ZMAT3: variants seen among roughly 807,000 people sequenced by gnomAD.
The protein encoded by ZMAT3 is zinc finger matrin-type protein 3.
ZMAT3 carries 17 observed loss-of-function variants against 32.3 expected under a neutral mutation model. The observed-to-expected ratio is 0.53, with a 90% confidence interval of 0.36 to 0.79. The LOEUF is 0.79. Ranked by LOEUF, ZMAT3 falls within the 30% of genes least tolerant of loss-of-function variation. The pLI is 0.00. For synonymous variants in ZMAT3, 120 were observed against 133.1 expected (o/e 0.90, Z 0.68); for missense variants, 329 against 359.7 (o/e 0.91, Z 0.69).
intron 2 of ZMAT3, among the ~76,000 whole-genome samples, chr3:179,057,107 A>G (rs978595125): frequency 3.3e-5 from 5 of 152,166 alleles, no homozygotes; most frequent in African/African-American, 1.2e-4. Context: ...GAGGCCCAAC[A>G]AGGACTCCAA....
At chr3:179,059,739 T>C in intron 2 of ZMAT3, among the ~76,000 whole-genome samples, 1 of 152,094 alleles carries the variant, frequency 6.6e-6, no homozygotes, top group African/African-American at 2.4e-5. Context: ...GCACAACCCC[T>C]ACTATGCCCT....
At chr3:179,034,719 A>G (rs1337053457) in intron 2 of ZMAT3, among the ~76,000 whole-genome samples, 1 of 152,174 alleles carries the variant, frequency 6.6e-6, no homozygotes, top group African/African-American at 2.4e-5. Flanking sequence ...CATCACCACC[A>G]TCACCACCAC....
At chr3:179,062,126 T>C (rs2108584878) in intron 2 of ZMAT3, among the ~76,000 whole-genome samples, 1 of 152,300 alleles carries the variant, frequency 6.6e-6, no homozygotes, top group South Asian at 2.1e-4. Flanking sequence ...GTTGTTACCA[T>C]TGGCTAATGC....
chr3:179,052,496 T>C (rs137856126), intron 2 of ZMAT3, among the ~76,000 whole-genome samples: 4 of 152,276 alleles, frequency 2.6e-5, no homozygotes, highest in Non-Finnish European at 4.4e-5. Context: ...CAAAAAATAA[T>C]AGATGTTGGC....
chr3:179,038,423 G>T (rs1719724614), intron 2 of ZMAT3, among the ~76,000 whole-genome samples: 1 of 152,034 alleles, frequency 6.6e-6, no homozygotes, highest in African/African-American at 2.4e-5. Flanking sequence ...TCTAAAAAAA[G>T]AAAAATGAGG....
chr3:179,019,592 A>C lies in ZMAT3; in HGVS notation c.*5425T>G, dbSNP rs898882187. On this transcript the variant is annotated 3_prime_UTR_variant, in exon 6 of 6. Coordinates refer to ENST00000311417, the MANE Select transcript of ZMAT3 (RefSeq NM_022470.4). Reference sequence around the variant, plus strand: ...TATATGTCTGAAAATTTTCTTGAGAAAATGTTGAGGAACATGTTAACATTT... The same window carrying C: ...TATATGTCTGAAAATTTTCTTGAGACAATGTTGAGGAACATGTTAACATTT... 7 of 152,186 alleles carry C rather than the reference A, an allele frequency of 4.6e-5. No homozygotes were observed. The highest frequency in any genetic ancestry group is 1.7e-4 in the African/African-American group (7 of 41,454). The allele number at this position is 152,186 out of a possible 1,614,324, so 9.4% of individuals were successfully genotyped here.
At position 179,062,990 on chromosome 3, in the gene ZMAT3, T is replaced by G. The variant is rs549333071; in HGVS notation, c.270+4493A>C. On this transcript the variant is annotated intron_variant, in intron 2 of 5. Transcript: ENST00000311417. ...AACCAGCATTTATTAAGATAACATA[T>G]GCAAGTCTCACAATCCTGCAGAGGA... Among the ~76,000 whole-genome samples, 5 of 152,340 alleles carry G rather than the reference T, an allele frequency of 3.3e-5. No individual in the cohort carries two copies. The South Asian group carries it at 6.2e-4, about 19-fold the overall frequency.
rs948210843 is a variant in ZMAT3 at position 179,019,984 on chromosome 3, G to C, written c.*5033C>G. On this transcript the variant is annotated 3_prime_UTR_variant, in exon 6 of 6. Transcript: ENST00000311417. ...AATGATCTCTGACTTCTGCCAGCTTGGGAAAACTGGATTCATTTTCAGAAT... is the reference window on the plus strand; with the variant it reads ...AATGATCTCTGACTTCTGCCAGCTTCGGAAAACTGGATTCATTTTCAGAAT... 4 of 152,044 alleles carry C rather than the reference G, an allele frequency of 2.6e-5. No individual in the cohort carries two copies. Among genetic ancestry groups the C allele is most frequent in the African/African-American group, 9.7e-5 (4 of 41,404 alleles). The allele number at this position is 152,044 out of a possible 1,614,324, so 9.4% of individuals were successfully genotyped here. A position where few individuals can be genotyped will look rare whatever the true frequency, so the allele number is the denominator to read the frequency against.
Position 179,046,595 on chromosome 3 carries a change from T to C in ZMAT3, c.271-15596A>G, listed in dbSNP as rs1449167321. Among the ~76,000 whole-genome samples the C allele has an allele frequency of 6.6e-6, 1 of 152,156 alleles. No individual in the cohort carries two copies. The highest frequency in any genetic ancestry group is 1.5e-5 in the Non-Finnish European group (1 of 68,026). On this transcript the variant is annotated intron_variant, in intron 2 of 5. Transcript: ENST00000311417. The surrounding 1 kb of genome is among the most constrained non-coding windows in gnomAD (Gnocchi z 4.3). ...CCTGCTTTCTCAGCTGGGAGGCTTG[T>C]GGTCTGGGGCAAGTTCTCAGCCCTG... is the stretch of plus-strand genomic sequence containing the variant.
rs1718704015 is a variant in ZMAT3 at position 179,023,886 on chromosome 3, A to C, written c.*1131T>G. ...CAGGCACCCACCACCACGCCCGGCT[A>C]ATGTTTTGTATTTTTAGTAGAGATG... On this transcript the variant is annotated 3_prime_UTR_variant, in exon 6 of 6. Transcript: ENST00000311417. 6.8e-6 allele frequency: 1 copy of C among 147,810 alleles called. No individual in the cohort carries two copies. The allele number at this position is 147,810 out of a possible 1,614,324, so 9.2% of individuals were successfully genotyped here. A position where few individuals can be genotyped will look rare whatever the true frequency, so the allele number is the denominator to read the frequency against.
At chr3:179,044,685 G>A (rs1576856454) in intron 2 of ZMAT3, among the ~76,000 whole-genome samples, 1 of 152,050 alleles carries the variant, frequency 6.6e-6, no homozygotes, top group Non-Finnish European at 1.5e-5. Context: ...ATACACCATG[G>A]AATACTATGC....
intron 2 of ZMAT3, among the ~76,000 whole-genome samples, chr3:179,032,815 C>A (rs1451638344): frequency 1.3e-5 from 2 of 151,922 alleles, no homozygotes; most frequent in Non-Finnish European, 2.9e-5. Flanking sequence ...GCAGCCACCC[C>A]ATCTGGGAAG....
intron 1 of ZMAT3, among the ~76,000 whole-genome samples, chr3:179,071,080 T>TA (rs201231832): frequency 0.014 from 2,103 of 151,744 alleles, 21 homozygotes; most frequent in Admixed American, 0.034. Context: ...GGAGAAAAGT[T>TA]AAAAAAAATA....
chr3:179,069,329 T>C (rs1323609215), intron 1 of ZMAT3, among the ~76,000 whole-genome samples: 1 of 152,120 alleles, frequency 6.6e-6, no homozygotes, highest in Non-Finnish European at 1.5e-5. Context: ...ATCCATAATG[T>C]CTCCTGCCTC....
At chr3:179,035,807 T>C (rs1377904347) in intron 2 of ZMAT3, among the ~76,000 whole-genome samples, 2 of 152,246 alleles carry the variant, frequency 1.3e-5, no homozygotes, top group Non-Finnish European at 2.9e-5. Flanking sequence ...AGAAGGAATT[T>C]CTTACTCCTG....
intron 2 of ZMAT3, among the ~76,000 whole-genome samples, chr3:179,055,618 G>C (rs574479268): frequency 1.9e-4 from 29 of 152,262 alleles, no homozygotes; most frequent in African/African-American, 7.0e-4. Context: ...GAGAGGAGGA[G>C]AATTCGGCCC....
chr3:179,027,467 A>G lies in ZMAT3; in HGVS notation c.614T>C (p.Met205Thr). The G allele has an allele frequency of 1.2e-6, 2 of 1,614,226 alleles. No individual in the cohort carries two copies. Among genetic ancestry groups the G allele is most frequent in the Non-Finnish European group, 1.7e-6 (2 of 1,180,038 alleles). Residue 205 changes from methionine to threonine, a missense_variant, in exon 5 of 6, where the codon ATG (methionine) becomes ACG (threonine). By Grantham distance (81) the Met-to-Thr change is moderately conservative (BLOSUM62 -1). Transcript: ENST00000311417. ...ATACATATTTCTCCTGTTAGGCATC[A>G]TCTTAAACTCATTCCCTTCTTTCCT... ...RARKEGNEFK[M>T]MPNRRNMYTV...
chr3:179,045,033 A>AAAT (rs751315394), intron 2 of ZMAT3, among the ~76,000 whole-genome samples: 3 of 151,786 alleles, frequency 2.0e-5, no homozygotes, highest in African/African-American at 7.2e-5. Flanking sequence ...GTATAATAAA[A>AAAT]AATAATAATA....
chr3:179,027,310 A>G (rs1718921332), intron 5 of ZMAT3, 113 bp downstream of exon 5: 10 of 906,304 alleles, frequency 1.1e-5, no homozygotes, highest in Middle Eastern at 2.9e-4. Flanking sequence ...CTAATTCAAT[A>G]AAACACTGAC....
Sources: allele counts gnomAD v4.1 joint callset (sites outside exome capture counted in the v4.1 genomes callset), GRCh38; gene constraint gnomAD v4.1.1; non-coding constraint Gnocchi (gnomAD v3.1); transcripts MANE v1.5; gene names NCBI Gene and HGNC (gene_info 2026-07-23, HGNC 2026-07-21).